DENND2B: variants seen among roughly 807,000 people sequenced by gnomAD.
DENND2B encodes the protein DENN domain-containing protein 2B.
DENND2B carries 32 observed loss-of-function variants against 116.0 expected under a neutral mutation model. That is an observed-to-expected ratio of 0.28 (90% CI 0.21 to 0.37). The LOEUF (loss-of-function observed/expected upper bound fraction) is 0.37. Among genes scored for constraint, DENND2B ranks in the 10% least tolerant of loss-of-function variants. The pLI is 1.00. For missense variants in DENND2B, 1,276 were observed against 1,477.7 expected, an observed-to-expected ratio of 0.86 and a Z score of 2.24; for synonymous variants, 588 against 583.9, an observed-to-expected ratio of 1.01 and a Z score of -0.10.
At chr11:8,746,698 A>G (rs2051319095) in intron 2 of DENND2B, among the ~76,000 whole-genome samples, 1 of 152,196 alleles carries the variant, frequency 6.6e-6, no homozygotes, top group South Asian at 2.1e-4. Context: ...ACAGTGAACT[A>G]TTAGGGCAGA....
chr11:8,910,642 TGTGTGTGTGGACACGGG>T (rs2064307509), intron 1 of DENND2B, among the ~76,000 whole-genome samples: 1 of 96,194 alleles, frequency 1.0e-5, no homozygotes, highest in Non-Finnish European at 2.4e-5. Flanking sequence ...AGTGTGTGTG[TGTGTGTGTGGACACGGG>T]TTGTCGCTAT....
At chr11:8,700,548 G>A (rs1345665656) in intron 14 of DENND2B, among the ~76,000 whole-genome samples, 6 of 152,142 alleles carry the variant, frequency 3.9e-5, no homozygotes, top group South Asian at 2.1e-4. Flanking sequence ...TCATACATAC[G>A]GAAGGAAATA....
At chr11:8,889,297 T>A (rs893022745) in intron 1 of DENND2B, among the ~76,000 whole-genome samples, 6 of 152,236 alleles carry the variant, frequency 3.9e-5, no homozygotes, top group Admixed American at 6.5e-5. Flanking sequence ...ACAGCTCCAG[T>A]CTACAGCTCC....
At chr11:8,700,414 T>C (rs980243564) in intron 14 of DENND2B, among the ~76,000 whole-genome samples, 3 of 152,204 alleles carry the variant, frequency 2.0e-5, no homozygotes, top group Admixed American at 6.5e-5. Flanking sequence ...TGGTGCTCTA[T>C]GGAAAAGTCA....
At chr11:8,894,472 T>C (rs2064074753) in intron 1 of DENND2B, among the ~76,000 whole-genome samples, 1 of 151,820 alleles carries the variant, frequency 6.6e-6, no homozygotes, top group African/African-American at 2.4e-5. Flanking sequence ...ACCTACAAAA[T>C]GGGAGAAAAT....
Position 8,730,098 on chromosome 11 carries a change from C to G in DENND2B, c.1192G>C (p.Ala398Pro), listed in dbSNP as rs745673203. 7 of 1,614,098 alleles carry G rather than the reference C, an allele frequency of 4.3e-6. No homozygotes were observed. The highest frequency in any genetic ancestry group is 5.9e-6 in the Non-Finnish European group (7 of 1,180,010). ...GGCTTACTCTTGGGGTTCTTGTCAG[C>G]CTCGTATTCAAAGGTGCGCTTGGGT... ...PKPKRTFEYE[A>P]DKNPKSKPSN... The change falls in exon 3 of 20, where the codon GCT becomes CCT. Residue 398 changes from alanine to proline, a missense_variant. Coordinates refer to ENST00000313726, the MANE Select transcript of DENND2B (RefSeq NM_213618.2). The surrounding 1 kb of genome is among the most constrained non-coding windows in gnomAD (Gnocchi z 4.1).
intron 1 of DENND2B, among the ~76,000 whole-genome samples, chr11:8,799,180 T>G (rs1476704900): frequency 6.6e-6 from 1 of 152,078 alleles, no homozygotes; most frequent in Non-Finnish European, 1.5e-5. Flanking sequence ...CTTATTAGAG[T>G]TCAGTTGACA....
intron 1 of DENND2B, among the ~76,000 whole-genome samples, chr11:8,778,664 C>T (rs949540812): frequency 4.6e-5 from 7 of 152,216 alleles, no homozygotes; most frequent in African/African-American, 1.7e-4. Context: ...CCCACGTACC[C>T]GGGGGCTGGG....
chr11:8,894,445 A>G lies in DENND2B; in HGVS notation c.-255-13336T>C, dbSNP rs559730966. ...CTTCTGCACAGCAAAAGAAACTACC[A>G]TCAGAGTGAACAGGCAACCTACAAA... On this transcript the variant is annotated intron_variant, in intron 1 of 22. Transcript: ENST00000534127. 9.2e-5 allele frequency among the ~76,000 whole-genome samples: 14 copies of G among 152,246 alleles called. No individual in the cohort carries two copies. In the South Asian group the frequency reaches 1.0e-3, roughly 11 times the overall value.
At chr11:8,714,866 G>A in intron 6 of DENND2B, 160 bp from the exon 7 acceptor site, 1 of 609,962 alleles carries the variant, frequency 1.6e-6, no homozygotes. Context: ...GACCTCAAGT[G>A]GTGACTCACC....
At chr11:8,742,318 T>C (rs1015180933) in intron 2 of DENND2B, among the ~76,000 whole-genome samples, 15 of 152,200 alleles carry the variant, frequency 9.9e-5, no homozygotes, top group Admixed American at 7.2e-4. Context: ...TGTTGTTTTA[T>C]GCCATTAAAT....
At chr11:8,704,398 G>C (rs1159198233) in intron 13 of DENND2B, among the ~76,000 whole-genome samples, 1 of 152,232 alleles carries the variant, frequency 6.6e-6, no homozygotes, top group Non-Finnish European at 1.5e-5. Context: ...CAGAAGACGA[G>C]AGCCCAGTGA....
intron 1 of DENND2B, among the ~76,000 whole-genome samples, chr11:8,891,935 T>C (rs1302398285): frequency 6.6e-6 from 1 of 152,184 alleles, no homozygotes; most frequent in African/African-American, 2.4e-5. Context: ...CAACAGAATA[T>C]ACTTTCTTCT....
intron 1 of DENND2B, among the ~76,000 whole-genome samples, chr11:8,753,778 T>C (rs980427054): frequency 6.6e-6 from 1 of 152,136 alleles, no homozygotes; most frequent in Non-Finnish European, 1.5e-5. Context: ...AGATTTTCAA[T>C]AAGGATGCCA....
intron 2 of DENND2B, among the ~76,000 whole-genome samples, chr11:8,862,742 G>A (rs187921002): frequency 3.3e-5 from 5 of 152,128 alleles, no homozygotes; most frequent in Admixed American, 6.5e-5. Flanking sequence ...GTGATAAGCC[G>A]CAGAAAATAA....
chr11:8,790,068 C>T (rs536612087), intron 1 of DENND2B, among the ~76,000 whole-genome samples: 31 of 152,308 alleles, frequency 2.0e-4, no homozygotes, highest in African/African-American at 7.2e-4. Context: ...ACAACAAACA[C>T]GACCAACTGG....
chr11:8,750,479 T>A, intron 2 of DENND2B, 142 bp downstream of exon 2: 1 of 673,966 alleles, frequency 1.5e-6, no homozygotes, highest in Non-Finnish European at 2.6e-6. Flanking sequence ...AAATATCTTC[T>A]GCCTAATGGT....
At chr11:8,806,686 T>C (rs1206236199) in intron 1 of DENND2B, among the ~76,000 whole-genome samples, 2 of 144,606 alleles carry the variant, frequency 1.4e-5, no homozygotes, top group African/African-American at 2.6e-5. Flanking sequence ...AGAGCTCAGG[T>C]GTTTCTATCA....
At chr11:8,725,132 T>C (rs2046865508) in intron 4 of DENND2B, among the ~76,000 whole-genome samples, 1 of 152,232 alleles carries the variant, frequency 6.6e-6, no homozygotes, top group African/African-American at 2.4e-5. Flanking sequence ...TACAATAGAC[T>C]GAATGTTTCT....
Sources: allele counts gnomAD v4.1 joint callset (sites outside exome capture counted in the v4.1 genomes callset), GRCh38; gene constraint gnomAD v4.1.1; non-coding constraint Gnocchi (gnomAD v3.1); transcripts MANE v1.5; gene names NCBI Gene and HGNC (gene_info 2026-07-23, HGNC 2026-07-21).